The following GRIN2A variants were observed in gnomAD, a reference collection of about 807,000 sequenced individuals.
GRIN2A encodes glutamate receptor ionotropic, NMDA 2A.
GRIN2A carries 22 observed loss-of-function variants against 113.4 expected under a neutral mutation model. That is an observed-to-expected ratio of 0.19 (90% CI 0.14 to 0.28). GRIN2A has a LOEUF of 0.28. Among genes scored for constraint, GRIN2A ranks in the 10% least tolerant of loss-of-function variants. GRIN2A has a pLI of 1.00. For synonymous variants in GRIN2A, 827 were observed against 738.4 expected (o/e 1.12, Z -1.94); for missense variants, 1,502 against 1,887.0 (o/e 0.80, Z 3.78).
chr16:10,077,508 T>C (rs1347105499), intron 2 of GRIN2A, among the ~76,000 whole-genome samples: 1 of 152,210 alleles, frequency 6.6e-6, no homozygotes, highest in Non-Finnish European at 1.5e-5. Context: ...CTCACCTGGA[T>C]GACTTCTGTT....
chr16:9,839,077 T>C (rs1348813863), intron 7 of GRIN2A, among the ~76,000 whole-genome samples: 1 of 152,230 alleles, frequency 6.6e-6, no homozygotes, highest in Non-Finnish European at 1.5e-5. Context: ...ATACATATTT[T>C]TCCCCTCTCA....
intron 2 of GRIN2A, among the ~76,000 whole-genome samples, chr16:9,951,236 A>C (rs1264988189): frequency 6.6e-6 from 1 of 152,190 alleles, no homozygotes; most frequent in Non-Finnish European, 1.5e-5. Flanking sequence ...CCTAATCTGC[A>C]CTGTTTTCCT....
chr16:10,017,105 C>T (rs1224896284), intron 2 of GRIN2A, among the ~76,000 whole-genome samples: 1 of 152,122 alleles, frequency 6.6e-6, no homozygotes, highest in African/African-American at 2.4e-5. Flanking sequence ...AGTCCAGAGC[C>T]GACAATGAGC....
intron 2 of GRIN2A, chr16:10,111,791 A>T: frequency 1.4e-6 from 2 of 1,437,228 alleles, no homozygotes; most frequent in Non-Finnish European, 1.9e-6. Context: ...AAGATCCGGC[A>T]TGGCTTCTCT....
intron 2 of GRIN2A, among the ~76,000 whole-genome samples, chr16:10,122,995 AC>A (rs1462683262): frequency 6.6e-6 from 1 of 152,218 alleles, no homozygotes; most frequent in Non-Finnish European, 1.5e-5. Context: ...AGCCATGAGG[AC>A]CTAATAAAGA....
At chr16:9,924,334 A>G (rs1475935227) in intron 3 of GRIN2A, among the ~76,000 whole-genome samples, 2 of 152,146 alleles carry the variant, frequency 1.3e-5, no homozygotes, top group African/African-American at 4.8e-5. Context: ...CTGTGGAAAG[A>G]TATTATTACT....
intron 2 of GRIN2A, among the ~76,000 whole-genome samples, chr16:9,975,252 C>T (rs536576802): frequency 6.6e-6 from 1 of 152,100 alleles, no homozygotes; most frequent in Non-Finnish European, 1.5e-5. Context: ...ACACCTTTAA[C>T]CCTGGAACCT....
rs140070993 is a variant in GRIN2A at position 9,922,000 on chromosome 16, T to C, written c.1007+15959A>G. On this transcript the variant is annotated intron_variant, in intron 3 of 12. Coordinates refer to ENST00000330684, the MANE Select transcript of GRIN2A (RefSeq NM_001134407.3). ...TTACAACTAATAATATATTTTATCA[T>C]TTTGAGGCAAATTTTATAAATTATT... Among the ~76,000 whole-genome samples the C allele has an allele frequency of 2.8e-4, 42 of 152,332 alleles. No homozygotes were observed. In the East Asian group the frequency reaches 7.3e-3, roughly 27 times the overall value.
chr16:10,004,993 C>T (rs1452713962), intron 2 of GRIN2A, among the ~76,000 whole-genome samples: 2 of 152,090 alleles, frequency 1.3e-5, no homozygotes, highest in Non-Finnish European at 2.9e-5. Context: ...AAATTAGATG[C>T]CCATGAATTT....
intron 4 of GRIN2A, among the ~76,000 whole-genome samples, chr16:9,882,512 T>G (rs2043501155): frequency 1.3e-5 from 2 of 152,062 alleles, no homozygotes; most frequent in Non-Finnish European, 2.9e-5. Context: ...AGGGGCCGGG[T>G]GCGGTGCCTC....
rs16966262 is a variant in GRIN2A, at chr16:9,759,428, A to G, written c.*3721T>C. ...CAAATAGAATAAACAATGTGTGACT[A>G]TATGACAGCTGTGGATCTTTTGACT... On this transcript the variant is annotated 3_prime_UTR_variant, in exon 13 of 13. Coordinates refer to ENST00000330684, the MANE Select transcript of GRIN2A (RefSeq NM_001134407.3). 0.015 allele frequency: 3,377 copies of G among 225,310 alleles called. 95 individuals are homozygous for G. The highest frequency in any genetic ancestry group is 0.069 in the African/African-American group (3,121 of 45,030). 14.0% of individuals were successfully genotyped at this position (225,310 alleles called of 1,614,324 possible). A position where few individuals can be genotyped will look rare whatever the true frequency, so the allele number is the denominator to read the frequency against.
rs530873597 is a variant in GRIN2A at position 10,008,981 on chromosome 16, C to T, written c.415-70430G>A. Among the ~76,000 whole-genome samples the T allele has an allele frequency of 3.3e-5, 5 of 152,302 alleles. No homozygotes were observed. The East Asian group carries it at 9.6e-4, about 29-fold the overall frequency. On this transcript the variant is annotated intron_variant, in intron 2 of 12. Coordinates refer to ENST00000330684, the MANE Select transcript of GRIN2A (RefSeq NM_001134407.3). ...TAGCAGTAAACAAAACAAGCCCTGGCTCCATTTAGCTTACACTCTGATGGA... is the reference window on the plus strand; with the variant it reads ...TAGCAGTAAACAAAACAAGCCCTGGTTCCATTTAGCTTACACTCTGATGGA...
rs762659685 is a variant in GRIN2A at position 9,822,286 on chromosome 16, C to T, written c.2146G>A (p.Ala716Thr). 1.2e-6 allele frequency: 2 copies of T among 1,613,546 alleles called. No homozygotes were observed. The highest frequency in any genetic ancestry group is 1.7e-6 in the Non-Finnish European group (2 of 1,179,536). ...TACCCCGTTTTCAGGCTGACCAAGG[C>T]GTCCTCTACTCCTTTCTGATTAAAT... is the stretch of plus-strand genomic sequence containing the variant. ...TKFNQKGVEDALVSLKTGKLD... is the reference protein window; with the variant it reads ...TKFNQKGVEDTLVSLKTGKLD... Residue 716 changes from alanine (A) to threonine (T), a missense_variant, in exon 10 of 13, where the codon GCC (alanine) becomes ACC (threonine). This residue lies in a region of GRIN2A where 101 missense variants were observed against 240.4 expected (regional missense o/e 0.42). Coordinates refer to ENST00000330684, the MANE Select transcript of GRIN2A (RefSeq NM_001134407.3).
chr16:10,139,775 G>A (rs73514640), intron 2 of GRIN2A, among the ~76,000 whole-genome samples: 1 of 152,156 alleles, frequency 6.6e-6, no homozygotes, highest in African/African-American at 2.4e-5. Flanking sequence ...ACACTGATTT[G>A]GTCTGTATCA....
At chr16:9,903,954 C>G (rs1410796845) in intron 3 of GRIN2A, among the ~76,000 whole-genome samples, 2 of 152,206 alleles carry the variant, frequency 1.3e-5, no homozygotes, top group East Asian at 3.8e-4. Flanking sequence ...TGTCAACTCC[C>G]TGAGGATAAG....
chr16:9,811,516 T>C (rs1212769571), intron 10 of GRIN2A, among the ~76,000 whole-genome samples: 1 of 152,160 alleles, frequency 6.6e-6, no homozygotes, highest in African/African-American at 2.4e-5. Context: ...TCCAACACTT[T>C]GGGAGGCCGA....
chr16:10,133,314 A>G (rs916072072), intron 2 of GRIN2A, among the ~76,000 whole-genome samples: 2 of 152,218 alleles, frequency 1.3e-5, no homozygotes, highest in Non-Finnish European at 2.9e-5. Flanking sequence ...AATTTTCATC[A>G]AAATCTCATC....
At chr16:10,045,314 A>C (rs2047238915) in intron 2 of GRIN2A, among the ~76,000 whole-genome samples, 1 of 152,190 alleles carries the variant, frequency 6.6e-6, no homozygotes, top group Admixed American at 6.5e-5. Context: ...CCCTAAATAG[A>C]AGCAAGGTAA....
chr16:10,145,131 G>C (rs970769703), intron 2 of GRIN2A, among the ~76,000 whole-genome samples: 1 of 152,032 alleles, frequency 6.6e-6, no homozygotes, highest in African/African-American at 2.4e-5. Flanking sequence ...ATCTAAAATA[G>C]ACTCATAGAA....
Sources: allele counts gnomAD v4.1 joint callset (sites outside exome capture counted in the v4.1 genomes callset), GRCh38; gene constraint gnomAD v4.1.1; regional missense constraint gnomAD v4.1.1; transcripts MANE v1.5; gene names NCBI Gene and HGNC (gene_info 2026-07-23, HGNC 2026-07-21).